The following LRMDA variants were observed in gnomAD, a reference collection of about 807,000 sequenced individuals.
The protein encoded by LRMDA is leucine-rich melanocyte differentiation-associated protein.
In LRMDA, 18 loss-of-function variants were observed where a neutral mutation model predicts 29.8. The observed-to-expected ratio is 0.60, with a 90% CI of 0.42 to 0.90. The LOEUF (loss-of-function observed/expected upper bound fraction) is 0.90, where lower values mean the gene tolerates loss of function less well. Ranked by LOEUF, LRMDA falls within the 40% of genes least tolerant of loss-of-function variation. LRMDA has a pLI of 0.00. For missense variants in LRMDA, 273 were observed against 273.9 expected (o/e 1.00, Z 0.02); for synonymous variants, 125 against 109.4 (o/e 1.14, Z -0.89).
At chr10:75,618,512 TA>T (rs1554816254) in intron 2 of LRMDA, among the ~76,000 whole-genome samples, 2 of 16,296 alleles carry the variant, frequency 1.2e-4, no homozygotes, top group African/African-American at 2.9e-4. Flanking sequence ...CCATATATAT[TA>T]TATATATATA....
intron 5 of LRMDA, among the ~76,000 whole-genome samples, chr10:76,118,587 A>G (rs935846819): frequency 1.3e-5 from 2 of 152,196 alleles, no homozygotes; most frequent in Admixed American, 6.5e-5. Flanking sequence ...TTTTCATGAC[A>G]GAGGAAAACA....
chr10:75,696,519 T>C (rs1379335388), intron 2 of LRMDA, among the ~76,000 whole-genome samples: 1 of 152,252 alleles, frequency 6.6e-6, no homozygotes, highest in Admixed American at 6.5e-5. Context: ...AAAAGATACT[T>C]ATTAAAAACC....
chr10:76,437,659 G>T (rs1174803398), intron 6 of LRMDA: 2 of 152,340 alleles, frequency 1.3e-5, no homozygotes, highest in East Asian at 3.8e-4. Context: ...AACAGAAAAT[G>T]TGACAGCAGA....
intron 6 of LRMDA, among the ~76,000 whole-genome samples, chr10:76,503,284 A>C (rs1203692500): frequency 2.0e-5 from 3 of 151,626 alleles, no homozygotes; most frequent in Non-Finnish European, 4.4e-5. Flanking sequence ...ATGTTGATTC[A>C]CCAAGATCAA....
At chr10:76,527,453 A>AT (rs1303506160) in intron 6 of LRMDA, among the ~76,000 whole-genome samples, 1 of 151,876 alleles carries the variant, frequency 6.6e-6, no homozygotes. Flanking sequence ...CAGGGACATG[A>AT]TTTTTTTTCC....
At chr10:75,502,910 C>G (rs1845129984) in intron 2 of LRMDA, among the ~76,000 whole-genome samples, 1 of 152,156 alleles carries the variant, frequency 6.6e-6, no homozygotes, top group South Asian at 2.1e-4. Flanking sequence ...TAGAGGCAAC[C>G]TTTTCTTCTC....
chr10:76,166,947 C>T (rs1850751757), intron 5 of LRMDA, among the ~76,000 whole-genome samples: 1 of 152,136 alleles, frequency 6.6e-6, no homozygotes. Flanking sequence ...GCAACCTTGC[C>T]AGCATCTGTC....
At chr10:75,962,417 C>G (rs1846784587) in intron 2 of LRMDA, among the ~76,000 whole-genome samples, 1 of 152,176 alleles carries the variant, frequency 6.6e-6, no homozygotes, top group Admixed American at 6.5e-5. Context: ...GGATCACAAA[C>G]TCTTTGGTGG....
chr10:75,977,151 A>T (rs1201073979), intron 2 of LRMDA, among the ~76,000 whole-genome samples: 2 of 148,202 alleles, frequency 1.3e-5, no homozygotes, highest in African/African-American at 5.0e-5. Flanking sequence ...TTTTTTAAAG[A>T]GAAGAGAATT....
intron 6 of LRMDA, among the ~76,000 whole-genome samples, chr10:76,364,926 G>A (rs555550141): frequency 1.8e-4 from 27 of 151,276 alleles, no homozygotes; most frequent in African/African-American, 5.6e-4. Flanking sequence ...CTTAGCTCCC[G>A]TATATCAGTG....
chr10:75,612,882 G>A (rs1375899995), intron 2 of LRMDA, among the ~76,000 whole-genome samples: 1 of 150,216 alleles, frequency 6.7e-6, no homozygotes, highest in Non-Finnish European at 1.5e-5. Context: ...CTTTGGTGGG[G>A]AAAAAAAAAT....
chr10:75,590,726 C>CTTTTTTTTTTTTTTTTTTTTTTTTT lies in LRMDA; in HGVS notation c.131+152250_131+152274dup, dbSNP rs67966004. ...CTCCTAACTCTCACAATAAAATAGTCTTTTTTTTTTTTTTTTTTTTTTTTT... is the reference window on the plus strand; with the variant it reads ...CTCCTAACTCTCACAATAAAATAGTCTTTTTTTTTTTTTTTTTTTTTTTTTTTTTTTTTTTTTTTTTTTTTTTTTT... On this transcript the variant is annotated intron_variant, in intron 2 of 6. Coordinates refer to ENST00000611255, the MANE Select transcript of LRMDA (RefSeq NM_001305581.2). Among the ~76,000 whole-genome samples the CTTTTTTTTTTTTTTTTTTTTTTTTT allele has an allele frequency of 1.1e-4, 8 of 71,384 alleles. 2 individuals are homozygous for CTTTTTTTTTTTTTTTTTTTTTTTTT. The highest frequency in any genetic ancestry group is 2.0e-4 in the Non-Finnish European group (8 of 39,848). The allele number at this position is 71,384 out of a possible 152,430, so 46.8% of individuals were successfully genotyped here.
rs375836706 is a variant in LRMDA, at chr10:75,625,425, A to G, written c.131+186931A>G. ...CGAGAGTCCGTTTCTGTCTTTTCCTATGCACTGTACTGCATCTCAGAATGA... is the reference window on the plus strand; with the variant it reads ...CGAGAGTCCGTTTCTGTCTTTTCCTGTGCACTGTACTGCATCTCAGAATGA... On this transcript the variant is annotated intron_variant, in intron 2 of 6. Coordinates refer to ENST00000611255, the MANE Select transcript of LRMDA (RefSeq NM_001305581.2). 8.2e-4 allele frequency among the ~76,000 whole-genome samples: 125 copies of G among 152,264 alleles called. 2 individuals carry two copies. Among genetic ancestry groups the G allele is most frequent in the South Asian group, 6.0e-3 (29 of 4,820 alleles).
intron 4 of LRMDA, among the ~76,000 whole-genome samples, chr10:76,048,161 A>G (rs1039070371): frequency 6.6e-6 from 1 of 152,220 alleles, no homozygotes; most frequent in African/African-American, 2.4e-5. Flanking sequence ...ACTCTTAAAA[A>G]TAACTTAATA....
intron 5 of LRMDA, among the ~76,000 whole-genome samples, chr10:76,316,045 A>G (rs1840693564): frequency 6.6e-6 from 1 of 152,148 alleles, no homozygotes; most frequent in South Asian, 2.1e-4. Flanking sequence ...TGGATGCAGG[A>G]CAGGAACTCA....
At chr10:76,494,169 G>C (rs1321237800) in intron 6 of LRMDA, among the ~76,000 whole-genome samples, 1 of 151,758 alleles carries the variant, frequency 6.6e-6, no homozygotes, top group Non-Finnish European at 1.5e-5. Context: ...TATTGCACTT[G>C]TTTCTGTTTC....
At chr10:75,874,385 C>A (rs1372441302) in intron 2 of LRMDA, among the ~76,000 whole-genome samples, 1 of 152,086 alleles carries the variant, frequency 6.6e-6, no homozygotes, top group Admixed American at 6.6e-5. Context: ...AAGAAAAGGG[C>A]CAGGCATCTA....
intron 2 of LRMDA, among the ~76,000 whole-genome samples, chr10:75,603,883 G>A (rs550715995): frequency 1.2e-3 from 183 of 152,264 alleles, no homozygotes; most frequent in African/African-American, 4.1e-3. Context: ...CCAGTACTGC[G>A]TTGATGAGGA....
intron 5 of LRMDA, among the ~76,000 whole-genome samples, chr10:76,243,043 C>T (rs1246100335): frequency 2.6e-5 from 4 of 152,110 alleles, no homozygotes; most frequent in African/African-American, 7.2e-5. Context: ...CAGAACATCT[C>T]GTATAAACAG....
Sources: allele counts gnomAD v4.1 joint callset (sites outside exome capture counted in the v4.1 genomes callset), GRCh38; gene constraint gnomAD v4.1.1; transcripts MANE v1.5; gene names NCBI Gene and HGNC (gene_info 2026-07-23, HGNC 2026-07-21).